Variants in CLVS1 observed in about 807,000 individuals in gnomAD.
The protein encoded by CLVS1 is clavesin-1.
In CLVS1, 10 loss-of-function variants were observed where a neutral mutation model predicts 33.1. The ratio of observed to expected loss-of-function variants is 0.30; its 90% confidence interval spans 0.19 to 0.51. CLVS1 has a LOEUF of 0.51. Among genes scored for constraint, CLVS1 ranks in the 20% least tolerant of loss-of-function variants. The pLI is 0.97. For synonymous variants in CLVS1, 163 were observed against 166.1 expected, an observed-to-expected ratio of 0.98 and a Z score of 0.14; for missense variants, 343 against 433.4, an observed-to-expected ratio of 0.79 and a Z score of 1.85.
At chr8:61,058,436 G>A (rs1456382764) in intron 1 of CLVS1, among the ~76,000 whole-genome samples, 1 of 152,044 alleles carries the variant, frequency 6.6e-6, no homozygotes, top group Non-Finnish European at 1.5e-5. Flanking sequence ...AAACTTAATA[G>A]CAAAATATCA....
intron 1 of CLVS1, among the ~76,000 whole-genome samples, chr8:61,298,117 G>A (rs1253446783): frequency 6.6e-6 from 1 of 152,162 alleles, no homozygotes. Context: ...CAGATAGATT[G>A]CAATGAGTGT....
chr8:60,989,461 T>C, the CLVS1 span, among the ~76,000 whole-genome samples: 1 of 152,158 alleles, frequency 6.6e-6, no homozygotes, highest in African/African-American at 2.4e-5. Context: ...TAACAGAGCA[T>C]TGGAAACACA....
intron 2 of CLVS1, among the ~76,000 whole-genome samples, chr8:61,262,006 G>T (rs964357439): frequency 6.6e-6 from 1 of 151,500 alleles, no homozygotes; most frequent in Non-Finnish European, 1.5e-5. Context: ...GTGTGTGTGT[G>T]TGTGTGTGTG....
chr8:61,254,251 A>G (rs1809021927), intron 2 of CLVS1, among the ~76,000 whole-genome samples: 1 of 152,178 alleles, frequency 6.6e-6, no homozygotes, highest in South Asian at 2.1e-4. Context: ...GGTGAACAGC[A>G]AATGTTGCTG....
chr8:61,295,997 C>T (rs370925021), intron 1 of CLVS1, among the ~76,000 whole-genome samples: 1 of 152,074 alleles, frequency 6.6e-6, no homozygotes, highest in Non-Finnish European at 1.5e-5. Flanking sequence ...TCAATGTATC[C>T]ATTTATAATT....
intron 5 of CLVS1, among the ~76,000 whole-genome samples, chr8:61,467,125 T>G (rs1040959396): frequency 6.6e-6 from 1 of 152,158 alleles, no homozygotes; most frequent in Non-Finnish European, 1.5e-5. Context: ...ATAAACCTCA[T>G]GTAAATTTTG....
chr8:61,251,704 G>C (rs905322749), intron 2 of CLVS1, among the ~76,000 whole-genome samples: 2 of 152,084 alleles, frequency 1.3e-5, no homozygotes, highest in Non-Finnish European at 2.9e-5. Flanking sequence ...TTTGCATAGA[G>C]GTGTTTATAG....
At chr8:61,425,740 C>T (rs1815865350) in intron 3 of CLVS1, among the ~76,000 whole-genome samples, 1 of 152,138 alleles carries the variant, frequency 6.6e-6, no homozygotes, top group Non-Finnish European at 1.5e-5. Flanking sequence ...CACTCCTATG[C>T]CACTCACTTA....
intron 1 of CLVS1, among the ~76,000 whole-genome samples, chr8:61,068,009 C>A (rs1473038397): frequency 1.5e-5 from 2 of 134,940 alleles, no homozygotes; most frequent in African/African-American, 6.0e-5. Context: ...GAGAGAGAGA[C>A]CTTGTCTCTA....
chr8:61,019,526 G>C, the CLVS1 span, among the ~76,000 whole-genome samples: 1 of 152,102 alleles, frequency 6.6e-6, no homozygotes, highest in African/African-American at 2.4e-5. Flanking sequence ...ATCAGCTCTA[G>C]AATGTTCTAA....
At chr8:61,485,857 A>G (rs1803859327) in intron 5 of CLVS1, among the ~76,000 whole-genome samples, 1 of 151,874 alleles carries the variant, frequency 6.6e-6, no homozygotes, top group Non-Finnish European at 1.5e-5. Flanking sequence ...AGAAAACCAA[A>G]CACCACATGT....
intron 2 of CLVS1, among the ~76,000 whole-genome samples, chr8:61,364,721 C>A (rs1240976823): frequency 2.0e-5 from 3 of 152,152 alleles, no homozygotes; most frequent in Non-Finnish European, 2.9e-5. Context: ...TCATTATAGG[C>A]AACTAATTTT....
At chr8:61,285,989 G>A (rs966213193), upstream of CLVS1, among the ~76,000 whole-genome samples, 27 of 147,028 alleles carry the variant, frequency 1.8e-4, no homozygotes, top group African/African-American at 5.8e-4. Context: ...CACATAAGAC[G>A]CTGTCATTAA....
intron 1 of CLVS1, among the ~76,000 whole-genome samples, chr8:61,066,235 C>G (rs1438906425): frequency 6.6e-6 from 1 of 152,208 alleles, no homozygotes; most frequent in Non-Finnish European, 1.5e-5. Context: ...ATGGCTCACA[C>G]CTGTAATCCC....
chr8:61,392,038 A>G lies in CLVS1; in HGVS notation c.630+15259A>G, dbSNP rs554735629. On this transcript the variant is annotated intron_variant, in intron 3 of 5. Coordinates refer to ENST00000325897, the MANE Select transcript of CLVS1 (RefSeq NM_173519.3). The stretch of plus-strand genomic sequence containing the variant: ...ATAATGCTTGCATTTCTTTAAGTTT[A>G]TATAATAACTCCATTAGCCCAAGTA... 2.0e-5 allele frequency among the ~76,000 whole-genome samples: 3 copies of G among 152,274 alleles called. No individual in the cohort carries two copies. In the East Asian group the frequency reaches 5.8e-4, roughly 29 times the overall value.
rs149983610 is a variant in CLVS1, at chr8:61,460,277, T to A, written c.977+1735T>A. 6.8e-3 allele frequency among the ~76,000 whole-genome samples: 1,035 copies of A among 152,332 alleles called. 17 individuals are homozygous for A. Among genetic ancestry groups the A allele is most frequent in the African/African-American group, 0.023 (973 of 41,576 alleles). On this transcript the variant is annotated intron_variant, in intron 5 of 5. Transcript: ENST00000325897. ...TAGCTCAAGGACATCAGTTCATATA[T>A]GTGTGTATACATATTAAGTATATAT... is the stretch of plus-strand genomic sequence containing the variant.
chr8:60,983,571 A>G, the CLVS1 span, among the ~76,000 whole-genome samples: 1 of 152,186 alleles, frequency 6.6e-6, no homozygotes, highest in Admixed American at 6.5e-5. Flanking sequence ...CATCCAAAGG[A>G]TAGGGTGTGA....
chr8:61,443,503 T>C (rs1249813218), intron 3 of CLVS1, among the ~76,000 whole-genome samples: 1 of 152,232 alleles, frequency 6.6e-6, no homozygotes, highest in Non-Finnish European at 1.5e-5. Flanking sequence ...GAAAACTATC[T>C]TTATGCCACT....
At chr8:61,127,009 G>A (rs1215301363) in intron 1 of CLVS1, among the ~76,000 whole-genome samples, 1 of 152,130 alleles carries the variant, frequency 6.6e-6, no homozygotes, top group African/African-American at 2.4e-5. Flanking sequence ...GTGTGAGATG[G>A]GGCTGCTCAT....
Sources: gnomAD v4.1 joint callset for allele counts (sites outside exome capture counted in the v4.1 genomes callset) on GRCh38, gnomAD v4.1.1 for gene constraint, MANE v1.5 for transcripts, NCBI Gene and HGNC (gene_info 2026-07-23, HGNC 2026-07-21) for gene names.